NT5DC2: variants seen among roughly 807,000 people sequenced by gnomAD.
NT5DC2 encodes the protein 5'-nucleotidase domain-containing protein 2.
Under a neutral mutation model 70.0 loss-of-function variants are expected in NT5DC2, and 41 were observed. The ratio of observed to expected loss-of-function variants is 0.59; its 90% confidence interval spans 0.46 to 0.76. The LOEUF is 0.76. Among genes scored for constraint, NT5DC2 ranks in the 30% least tolerant of loss-of-function variants. The pLI is 0.00. For synonymous variants in NT5DC2, 299 were observed against 310.4 expected, an observed-to-expected ratio of 0.96 and a Z score of 0.39; for missense variants, 705 against 783.2, an observed-to-expected ratio of 0.90 and a Z score of 1.19.
In NT5DC2 at chr3:52,533,678, G is replaced by A; in HGVS notation, c.60C>T (p.Gly20=). 1 of 1,114,108 alleles carries A rather than the reference G, an allele frequency of 9.0e-7. No homozygotes were observed. The highest frequency in any genetic ancestry group is 1.1e-6 in the Non-Finnish European group (1 of 913,684). The allele number at this position is 1,114,108 out of a possible 1,614,324, so 69.0% of individuals were successfully genotyped here. ...ARRWLLCGGH[G]GPRAASSSPS... is the part of the protein sequence containing the mutation. ...GCGAGGACGAGGCGGCTCGCGGCCCGCCGTGGCCTCCGCACAGCAGCCAGC... is the reference window on the plus strand; with the variant it reads ...GCGAGGACGAGGCGGCTCGCGGCCCACCGTGGCCTCCGCACAGCAGCCAGC... The change falls in exon 1 of 14, where the codon GGC becomes GGT. Residue 20 remains glycine (G), a synonymous_variant. Coordinates refer to ENST00000422318, the MANE Select transcript of NT5DC2 (RefSeq NM_001134231.2).
chr3:52,528,916 T>C lies in NT5DC2; in HGVS notation c.437A>G (p.Lys146Arg). 2 of 1,614,050 alleles carry C rather than the reference T, an allele frequency of 1.2e-6. No homozygotes were observed. Among genetic ancestry groups the C allele is most frequent in the Non-Finnish European group, 1.7e-6 (2 of 1,180,008 alleles). ...EHYKYPEGIR[K>R]YDYNPSFAIR... ...GGCAAAGCTGGGGTTGTAGTCATAC[T>C]TCCGAATCCCTTCTGGGTACTGCCG... The change falls in exon 3 of 14, where the codon AAG becomes AGG. Residue 146 changes from lysine (K) to arginine (R), a missense_variant. Physicochemically the swap from Lys to Arg is conservative, Grantham distance 26. Transcript: ENST00000422318.
At position 52,525,049 on chromosome 3, in the gene NT5DC2, G is replaced by A. The variant is rs572863631; in HGVS notation, c.1261C>T (p.Arg421Cys). The A allele has an allele frequency of 3.1e-6, 5 of 1,597,122 alleles. No homozygotes were observed. Among genetic ancestry groups the A allele is most frequent in the East Asian group, 2.3e-5 (1 of 43,762 alleles). Residue 421 changes from arginine (R) to cysteine (C), a missense_variant, in exon 12 of 14, where the codon CGT becomes TGT. Transcript: ENST00000422318. The stretch of plus-strand genomic sequence containing the variant: ...TCCGTGTTGATGATGCGGATCTCAC[G>A]CTCCAGCTCGGGGATGATGGCGCCT... The part of the protein sequence containing the change: ...RTGAIIPELE[R>C]EIRIINTEQY...
At chr3:52,530,386 A>G (rs1428304588) in intron 1 of NT5DC2, among the ~76,000 whole-genome samples, 1 of 152,136 alleles carries the variant, frequency 6.6e-6, no homozygotes, top group East Asian at 1.9e-4. Flanking sequence ...TGGTTTCCCT[A>G]TGTGTACAAT....
chr3:52,533,788 C>CCGCCGCA lies in NT5DC2; in HGVS notation c.-52_-51insTGCGGCG. ...GCGCTGCCCTCGGCCAGCCCGCCGC[C>CCGCCGCA]CGCCGCCCGCCGCCCTCCGACTGCG... On this transcript the variant is annotated 5_prime_UTR_variant, in exon 1 of 14. Transcript: ENST00000422318. 4.1e-6 allele frequency: 4 copies of CCGCCGCA among 974,196 alleles called. No individual in the cohort carries two copies. The highest frequency in any genetic ancestry group is 4.9e-6 in the Non-Finnish European group (4 of 823,082). The allele number at this position is 974,196 out of a possible 1,614,324, so 60.3% of individuals were successfully genotyped here.
rs2079389866 is a variant in NT5DC2 at position 52,533,607 on chromosome 3, G to A, written c.131C>T (p.Pro44Leu). ...CGPPGPGAHC[P>L]GVPRSAPAQA... ...GGCGGGCGCGGAGCGCGGGACGCCG[G>A]GGCAGTGGGCGCCGGGACCCGGGGG... Residue 44 changes from proline to leucine, a missense_variant, in exon 1 of 14, where the codon CCC becomes CTC. Coordinates refer to ENST00000422318, the MANE Select transcript of NT5DC2 (RefSeq NM_001134231.2). 1.7e-5 allele frequency: 21 copies of A among 1,244,208 alleles called. No individual in the cohort carries two copies. The highest frequency in any genetic ancestry group is 1.9e-5 in the Non-Finnish European group (19 of 995,122). The allele number at this position is 1,244,208 out of a possible 1,614,324, so 77.1% of individuals were successfully genotyped here.
rs2079322041 is a variant in NT5DC2, at chr3:52,528,945, GA to G, written c.418-11del. 1 of 1,613,796 alleles carries G rather than the reference GA, an allele frequency of 6.2e-7. No individual in the cohort carries two copies. The highest frequency in any genetic ancestry group is 1.3e-5 in the African/African-American group (1 of 74,918). Reference sequence around the variant, plus strand: ...GAATCCCTTCTGGGTACTGCCGGGGGAAAGGGGCCAGGCCTAAGCCAATAGC... The same window carrying G: ...GAATCCCTTCTGGGTACTGCCGGGGGAAGGGGCCAGGCCTAAGCCAATAGC... On this transcript the variant is annotated splice_polypyrimidine_tract_variant and intron_variant, in intron 2 of 13. Coordinates refer to ENST00000422318, the MANE Select transcript of NT5DC2 (RefSeq NM_001134231.2).
upstream of NT5DC2, chr3:52,534,187 G>A (rs1237919234): frequency 1.7e-5 from 6 of 351,360 alleles, no homozygotes; most frequent in Non-Finnish European, 1.1e-5. Flanking sequence ...CGCCCTCTCC[G>A]CTCCCGGGTC....
chr3:52,528,495 C>T lies in NT5DC2; in HGVS notation c.593G>A (p.Gly198Glu), dbSNP rs1449460354. ...GTATAGTGGGATGTGCTGGGTACCCCCATACAGCTCAATCACCTCCTCGTC... is the reference window on the plus strand; with the variant it reads ...GTATAGTGGGATGTGCTGGGTACCCTCATACAGCTCAATCACCTCCTCGTC... ...VPDEEVIELY[G>E]GTQHIPLYQM... Residue 198 changes from glycine to glutamate, a missense_variant, in exon 5 of 14, where the codon GGG (glycine) becomes GAG (glutamate). Physicochemically the swap from Gly to Glu is moderately conservative, Grantham distance 98. Transcript: ENST00000422318. 1.2e-6 allele frequency: 2 copies of T among 1,613,504 alleles called. No individual in the cohort carries two copies. The highest frequency in any genetic ancestry group is 1.3e-5 in the African/African-American group (1 of 74,852).
chr3:52,525,173 C>A (rs2079237136), intron 11 of NT5DC2, 36 bp downstream of exon 11: 3 of 1,588,796 alleles, frequency 1.9e-6, no homozygotes, highest in Admixed American at 1.7e-5. Flanking sequence ...GGTTTCCTGG[C>A]CCTCCCCCAC....
upstream of NT5DC2, chr3:52,533,964 C>T (rs2079397508): frequency 4.9e-6 from 2 of 411,616 alleles, no homozygotes; most frequent in Non-Finnish European, 6.5e-6. Context: ...GGCTCCCCAG[C>T]CCCCTCCCCC....
chr3:52,532,550 C>G (rs1179723877), intron 1 of NT5DC2: 1 of 974,294 alleles, frequency 1.0e-6, no homozygotes, highest in Non-Finnish European at 1.2e-6. Flanking sequence ...ATCTTCCAGA[C>G]AGGGCTACTT....
chr3:52,525,147 G>T, intron 11 of NT5DC2, 44 bp from the exon 12 acceptor site: 1 of 1,468,714 alleles, frequency 6.8e-7, no homozygotes, highest in East Asian at 2.5e-5. Flanking sequence ...CCAGTTGCTG[G>T]GGGCGGGGGG....
At position 52,524,484 on chromosome 3, in the gene NT5DC2, C is replaced by T; in HGVS notation, c.1660G>A (p.Ala554Thr). 1 of 1,612,810 alleles carries T rather than the reference C, an allele frequency of 6.2e-7. No individual in the cohort carries two copies. The highest frequency in any genetic ancestry group is 8.5e-7 in the Non-Finnish European group (1 of 1,180,002). ...TAAAGGTGCCCTCAGCGGATGTGGG[C>T]CATGTCACCAAGGAAGGGGGTCTTC... ...CMKTPFLGDM[A>T]HIR Residue 554 changes from alanine to threonine, a missense_variant, in exon 14 of 14, where the codon GCC becomes ACC. Physicochemically the swap from Ala to Thr is moderately conservative, Grantham distance 58 (BLOSUM62 0). Coordinates refer to ENST00000422318, the MANE Select transcript of NT5DC2 (RefSeq NM_001134231.2).
rs971424177 is a variant in NT5DC2, at chr3:52,529,518, G to A, written c.233-184C>T. On this transcript the variant is annotated intron_variant, in intron 1 of 13. Coordinates refer to ENST00000422318, the MANE Select transcript of NT5DC2 (RefSeq NM_001134231.2). This position sits in a 1 kb window ranked among gnomAD's most constrained non-coding sequence, Gnocchi z 4.1. ...AGAGAAGTCACTTGCCCAGGGTCAC[G>A]CAGTTAGGGTAAGGCAGAGCCCCTG... 2.6e-5 allele frequency among the ~76,000 whole-genome samples: 4 copies of A among 152,060 alleles called. No individual in the cohort carries two copies. The highest frequency in any genetic ancestry group is 7.3e-5 in the African/African-American group (3 of 41,366).
rs751747147 is a variant in NT5DC2, at chr3:52,528,331, C to CT, written c.643-21dup. On this transcript the variant is annotated intron_variant, in intron 5 of 13. Coordinates refer to ENST00000422318, the MANE Select transcript of NT5DC2 (RefSeq NM_001134231.2). Reference sequence around the variant, plus strand: ...GGGACCCTGGGGAGGGGGCCATTGTCTCAGACACCCTTTGGGACCCCAACC... The same window carrying CT: ...GGGACCCTGGGGAGGGGGCCATTGTCTTCAGACACCCTTTGGGACCCCAACC... 6.2e-7 allele frequency: 1 copy of CT among 1,613,138 alleles called. No homozygotes were observed. Among genetic ancestry groups the CT allele is most frequent in the South Asian group, 1.1e-5 (1 of 91,026 alleles).
At position 52,528,630 on chromosome 3, in the gene NT5DC2, G is replaced by T. The variant is rs376185768; in HGVS notation, c.548+7C>A. On this transcript the variant is annotated splice_region_variant and intron_variant, in intron 4 of 13. Transcript: ENST00000422318. ...GCGGGGGTGGGGTTGGGGCAGAGCCGACTGACCTGTAGGCTGTCCCCAGCT... is the reference window on the plus strand; with the variant it reads ...GCGGGGGTGGGGTTGGGGCAGAGCCTACTGACCTGTAGGCTGTCCCCAGCT... The T allele has an allele frequency of 3.8e-6, 6 of 1,577,754 alleles. No homozygotes were observed. In the Admixed American group the frequency reaches 1.1e-4, roughly 28 times the overall value.
rs757003556 is a variant in NT5DC2, at chr3:52,527,625, G to A, written c.1029C>T (p.Asp343=). 1.2e-6 allele frequency: 2 copies of A among 1,612,958 alleles called. No homozygotes were observed. The highest frequency in any genetic ancestry group is 8.5e-7 in the Non-Finnish European group (1 of 1,179,968). Residue 343 remains aspartate (D), a synonymous_variant, in exon 9 of 14, where the codon GAC becomes GAT. Transcript: ENST00000422318. ...VQADKPSFFT[D]RRKPFRKLDE... Reference sequence around the variant, plus strand: ...CCCCACCATGCCCATACTTGCGCCGGTCAGTGAAGAAGCTGGGCTTGTCTG... The same window carrying A: ...CCCCACCATGCCCATACTTGCGCCGATCAGTGAAGAAGCTGGGCTTGTCTG...
intron 10 of NT5DC2, 52 bp from the exon 11 acceptor site, chr3:52,525,347 A>T (rs1256510069): frequency 7.0e-7 from 1 of 1,435,012 alleles, no homozygotes; most frequent in South Asian, 1.2e-5. Flanking sequence ...GTCCTCCACC[A>T]GTCCTCCCTC....
rs1451254444 is a variant in NT5DC2 at position 52,529,382 on chromosome 3, G to A, written c.233-48C>T. 6.4e-7 allele frequency: 1 copy of A among 1,573,874 alleles called. No individual in the cohort carries two copies. Among genetic ancestry groups the A allele is most frequent in the Non-Finnish European group, 8.7e-7 (1 of 1,150,812 alleles). On this transcript the variant is annotated intron_variant, in intron 1 of 13. Transcript: ENST00000422318. The surrounding 1 kb of genome is among the most constrained non-coding windows in gnomAD (Gnocchi z 4.1). ...GGCAGTGATGGGGATGATGATCCCT[G>A]CAGCAGCTATGGCTCCTGAGCACTC...
Sources: gnomAD v4.1 joint callset for allele counts (sites outside exome capture counted in the v4.1 genomes callset) on GRCh38, gnomAD v4.1.1 for gene constraint, Gnocchi (gnomAD v3.1) non-coding constraint, MANE v1.5 for transcripts, NCBI Gene and HGNC (gene_info 2026-07-23, HGNC 2026-07-21) for gene names.